Variants in STXBP5 observed in about 807,000 individuals in gnomAD.
STXBP5 encodes syntaxin-binding protein 5.
Under a neutral mutation model 152.4 loss-of-function variants are expected in STXBP5, and 50 were observed. The ratio of observed to expected loss-of-function variants is 0.33; its 90% confidence interval spans 0.26 to 0.42. The LOEUF is 0.42. Ranked by LOEUF, STXBP5 falls within the 10% of genes least tolerant of loss-of-function variation. The probability of loss-of-function intolerance (pLI) is 1.00; values close to 1 mark genes in which losing one functional copy is unlikely to be tolerated. For missense variants in STXBP5, 1,167 were observed against 1,388.6 expected, an observed-to-expected ratio of 0.84 and a Z score of 2.54; for synonymous variants, 492 against 494.7, an observed-to-expected ratio of 0.99 and a Z score of 0.07.
In STXBP5 at chr6:147,324,263, G is replaced by GTTTTTTTTTTTTTT. The variant is rs764684701; in HGVS notation, c.1803-696_1803-695insTTTTTTTTTTTTTT. On this transcript the variant is annotated intron_variant, in intron 16 of 27. Coordinates refer to ENST00000321680, the MANE Select transcript of STXBP5 (RefSeq NM_001127715.4). ...TTTAAGTTTTGTGGGGTTTTTTTTT[G>GTTTTTTTTTTTTTT]GTTTTTTTTTTTTTTTTTTTTTTTT... 5.1e-4 allele frequency among the ~76,000 whole-genome samples: 43 copies of GTTTTTTTTTTTTTT among 85,030 alleles called. 5 individuals carry two copies. The highest frequency in any genetic ancestry group is 1.3e-3 in the South Asian group (3 of 2,336). 55.8% of individuals were successfully genotyped at this position (85,030 alleles called of 152,430 possible). A position where few individuals can be genotyped will look rare whatever the true frequency, so the allele number is the denominator to read the frequency against.
At chr6:147,295,573 A>G (rs1781476465) in intron 9 of STXBP5, among the ~76,000 whole-genome samples, 1 of 152,220 alleles carries the variant, frequency 6.6e-6, no homozygotes, top group Non-Finnish European at 1.5e-5. Context: ...ATGGCAACCC[A>G]GGATGACGGC....
chr6:147,375,268 A>C (rs578189722), intron 26 of STXBP5, among the ~76,000 whole-genome samples: 1 of 152,216 alleles, frequency 6.6e-6, no homozygotes, highest in Admixed American at 6.5e-5. Flanking sequence ...TATCATAATT[A>C]TAGTGTTCAA....
intron 21 of STXBP5, among the ~76,000 whole-genome samples, chr6:147,349,422 C>G (rs773206201): frequency 6.6e-6 from 1 of 152,092 alleles, no homozygotes; most frequent in Non-Finnish European, 1.5e-5. Flanking sequence ...GTTTGAGTTA[C>G]AGAGGTGTAT....
intron 3 of STXBP5, among the ~76,000 whole-genome samples, chr6:147,237,077 GTTC>G (rs1397763441): frequency 2.6e-5 from 4 of 151,862 alleles, no homozygotes; most frequent in African/African-American, 7.3e-5. Flanking sequence ...CGCCTGACCT[GTTC>G]TTCATTTTTA....
chr6:147,310,847 A>G (rs1232746203), intron 10 of STXBP5, among the ~76,000 whole-genome samples: 2 of 152,170 alleles, frequency 1.3e-5, no homozygotes, highest in Non-Finnish European at 2.9e-5. Flanking sequence ...TTAAATGCTA[A>G]TCACATCTGA....
At position 147,378,543 on chromosome 6, in the gene STXBP5, G is replaced by T. The variant is rs186889453; in HGVS notation, c.3194-4235G>T. 3.6e-4 allele frequency among the ~76,000 whole-genome samples: 54 copies of T among 151,806 alleles called. No homozygotes were observed. The East Asian group carries it at 6.2e-3, about 17-fold the overall frequency. On this transcript the variant is annotated intron_variant, in intron 26 of 27. Transcript: ENST00000321680. ...CCTTTGAAATTAGGAATCACACATA[G>T]TGCCCACTATTAACACATACATTCA...
chr6:147,355,109 A>G (rs1272905066), intron 22 of STXBP5, among the ~76,000 whole-genome samples: 1 of 152,182 alleles, frequency 6.6e-6, no homozygotes. Flanking sequence ...TAGCTTCACC[A>G]TCCTGGATTC....
chr6:147,222,375 G>C (rs1386186338), intron 2 of STXBP5, among the ~76,000 whole-genome samples: 2 of 152,132 alleles, frequency 1.3e-5, no homozygotes, highest in Non-Finnish European at 2.9e-5. Context: ...TTTGGTAATG[G>C]TGTGGGGGGA....
At chr6:147,310,424 G>A (rs6930025) in intron 10 of STXBP5, among the ~76,000 whole-genome samples, 186 bp downstream of exon 10, 4,287 of 152,016 alleles carry the variant, frequency 0.028, 208 homozygotes, top group African/African-American at 0.098. Flanking sequence ...CTGTTTTGAA[G>A]AATAAAAAAA....
chr6:147,294,605 T>A (rs1781428619), intron 9 of STXBP5, among the ~76,000 whole-genome samples: 1 of 152,122 alleles, frequency 6.6e-6, no homozygotes, highest in Non-Finnish European at 1.5e-5. Flanking sequence ...AATCTAGTAT[T>A]CCTTCCTAAA....
intron 21 of STXBP5, among the ~76,000 whole-genome samples, chr6:147,347,576 TAATACA>T (rs1361641272): frequency 6.6e-6 from 1 of 152,140 alleles, no homozygotes; most frequent in African/African-American, 2.4e-5. Context: ...ATAATATAAC[TAATACA>T]AATCAAGAAG....
chr6:147,271,238 A>G (rs1186235311), intron 7 of STXBP5, among the ~76,000 whole-genome samples: 2 of 152,162 alleles, frequency 1.3e-5, no homozygotes, highest in African/African-American at 2.4e-5. Flanking sequence ...AAAGATACAG[A>G]TATGTTGGAA....
rs533863278 is a variant in STXBP5, at chr6:147,385,872, C to T, written c.*1117C>T. 2 of 152,172 alleles carry T rather than the reference C, an allele frequency of 1.3e-5. No homozygotes were observed. The highest frequency in any genetic ancestry group is 3.9e-4 in the East Asian group (2 of 5,170). The allele number at this position is 152,172 out of a possible 1,614,324, so 9.4% of individuals were successfully genotyped here. On this transcript the variant is annotated 3_prime_UTR_variant, in exon 28 of 28. Transcript: ENST00000321680. ...CTATCGCATGGAAAATTACAAGCAT[C>T]TGTTGTCAATAATTATATAAGAGTT...
At chr6:147,239,133 A>G (rs1292155247) in intron 3 of STXBP5, 37 bp from the exon 4 acceptor site, 8 of 1,552,778 alleles carry the variant, frequency 5.2e-6, no homozygotes, top group South Asian at 1.2e-5. Context: ...TTTATAAAAT[A>G]TATTATACAT....
intron 21 of STXBP5, among the ~76,000 whole-genome samples, chr6:147,352,348 G>T (rs1385778861): frequency 6.6e-6 from 1 of 152,140 alleles, no homozygotes; most frequent in Non-Finnish European, 1.5e-5. Context: ...AAAAAGTAAT[G>T]AACCCAGCCA....
chr6:147,211,993 T>TA (rs1355179477), intron 2 of STXBP5, among the ~76,000 whole-genome samples: 1 of 152,230 alleles, frequency 6.6e-6, no homozygotes, highest in African/African-American at 2.4e-5. Context: ...GAGCTTGAAA[T>TA]ACTCAGCTCA....
intron 19 of STXBP5, among the ~76,000 whole-genome samples, chr6:147,337,903 G>A (rs894161531): frequency 1.3e-5 from 2 of 152,030 alleles, no homozygotes; most frequent in African/African-American, 4.8e-5. Flanking sequence ...TAAAAGTAAT[G>A]GTTCTGCCAA....
rs747586705 is a variant in STXBP5 at position 147,239,250 on chromosome 6, G to A, written c.411G>A (p.Ser137=). 84 of 1,613,364 alleles carry A rather than the reference G, an allele frequency of 5.2e-5. No homozygotes were observed. Among genetic ancestry groups the A allele is most frequent in the East Asian group, 6.7e-5 (3 of 44,814 alleles). The part of the protein sequence containing the change: ...LRQKRPAILH[S]LKFCRERVTF... ...AGAAGAGGCCTGCCATACTACATTC[G>A]CTTAAATTTTGCAGAGAAAGGTAAG... Residue 137 remains serine, a synonymous_variant, in exon 4 of 28, where the codon TCG becomes TCA. Transcript: ENST00000321680.
intron 21 of STXBP5, among the ~76,000 whole-genome samples, chr6:147,348,989 C>A (rs2128404159): frequency 6.6e-6 from 1 of 152,114 alleles, no homozygotes; most frequent in East Asian, 1.9e-4. Context: ...TTAATACTGA[C>A]CTTTTTTCTG....
Sources: allele counts gnomAD v4.1 joint callset (sites outside exome capture counted in the v4.1 genomes callset), GRCh38; gene constraint gnomAD v4.1.1; transcripts MANE v1.5; gene names NCBI Gene and HGNC (gene_info 2026-07-23, HGNC 2026-07-21).